The following FBN1 variants were observed in gnomAD, a reference collection of about 807,000 sequenced individuals.
The protein encoded by FBN1 is fibrillin-1.
A neutral mutation model predicts 365.1 loss-of-function variants in FBN1; 29 were observed. The observed-to-expected ratio is 0.08, with a 90% confidence interval of 0.06 to 0.11. The LOEUF (loss-of-function observed/expected upper bound fraction) is 0.11. FBN1 is among the 10% of genes least tolerant of loss of function. The pLI, the probability that FBN1 is intolerant of heterozygous loss-of-function variation, is 1.00. For missense variants in FBN1, 2,476 were observed against 3,703.2 expected (o/e 0.67, Z 8.60); for synonymous variants, 1,210 against 1,270.5 (o/e 0.95, Z 1.01).
intron 4 of FBN1, among the ~76,000 whole-genome samples, chr15:48,610,525 T>A (rs1249640030): frequency 1.3e-5 from 2 of 152,152 alleles, no homozygotes; most frequent in African/African-American, 4.8e-5. Flanking sequence ...GCCCCATAGG[T>A]AATTTTCCTA....
intron 7 of FBN1, among the ~76,000 whole-genome samples, chr15:48,535,526 C>G (rs1227090296): frequency 6.6e-6 from 1 of 152,152 alleles, no homozygotes; most frequent in African/African-American, 2.4e-5. Flanking sequence ...ACAGAAAAGT[C>G]TGATTTAATA....
chr15:48,638,505 C>T (rs1189873253), intron 2 of FBN1, among the ~76,000 whole-genome samples: 2 of 152,062 alleles, frequency 1.3e-5, no homozygotes, highest in Non-Finnish European at 2.9e-5. Context: ...ACTCTGCATC[C>T]CTTGTTTCTT....
At chr15:48,514,309 C>A (rs982882246) in intron 12 of FBN1, among the ~76,000 whole-genome samples, 4 of 152,198 alleles carry the variant, frequency 2.6e-5, no homozygotes, top group African/African-American at 9.6e-5. Context: ...CCACATGCTT[C>A]TTAGTGCCAG....
chr15:48,516,642 T>C (rs560333334), intron 10 of FBN1, among the ~76,000 whole-genome samples: 8 of 152,154 alleles, frequency 5.3e-5, no homozygotes, highest in Non-Finnish European at 8.8e-5. Flanking sequence ...ATGGAAAACA[T>C]AAAAGTACTA....
chr15:48,561,032 A>G (rs944717296), intron 6 of FBN1, among the ~76,000 whole-genome samples: 1 of 152,204 alleles, frequency 6.6e-6, no homozygotes, highest in African/African-American at 2.4e-5. Flanking sequence ...TTTCATCAGT[A>G]TTATTACAGA....
In FBN1 at chr15:48,470,656, G is replaced by A. The variant is rs370161725; in HGVS notation, c.4437C>T (p.Asp1479=). The A allele has an allele frequency of 1.2e-6, 2 of 1,614,056 alleles. No individual in the cohort carries two copies. The highest frequency in any genetic ancestry group is 1.7e-5 in the Admixed American group (1 of 60,016). The change falls in exon 36 of 66, where the codon GAC becomes GAT. Residue 1479 remains aspartate, a synonymous_variant. Coordinates refer to ENST00000316623, the MANE Select transcript of FBN1 (RefSeq NM_000138.5). ...TACCTGTGCAGTTCCCGCCGCTTCT[G>A]TCCAGTTCGTAGCCTATCTCACACT... The part of the protein sequence containing the change: ...RCECEIGYEL[D]RSGGNCTDVN...
intron 29 of FBN1, 53 bp downstream of exon 29, chr15:48,487,022 A>C (rs1566909314): frequency 7.9e-7 from 1 of 1,262,148 alleles, no homozygotes; most frequent in South Asian, 2.0e-5. Context: ...ACATAACATA[A>C]CATAAAATAA....
chr15:48,529,052 G>A (rs980146845), intron 8 of FBN1: 1 of 152,124 alleles, frequency 6.6e-6, no homozygotes, highest in African/African-American at 2.4e-5. Context: ...TTGAATTTGA[G>A]GCATCCCAAG....
At chr15:48,453,290 C>CAAAAAAAAAAAA (rs748356141) in intron 44 of FBN1, among the ~76,000 whole-genome samples, 2 of 32,880 alleles carry the variant, frequency 6.1e-5, no homozygotes, top group Non-Finnish European at 1.5e-4. Flanking sequence ...AAAAATAAAA[C>CAAAAAAAAAAAA]AAACAAAAAA....
chr15:48,531,716 A>G (rs576496531), intron 8 of FBN1, among the ~76,000 whole-genome samples: 6 of 152,140 alleles, frequency 3.9e-5, no homozygotes, highest in Non-Finnish European at 8.8e-5. Context: ...GACGTCGAAA[A>G]AGTGAACCCG....
chr15:48,533,181 C>T (rs948147150), intron 8 of FBN1, among the ~76,000 whole-genome samples: 1 of 152,186 alleles, frequency 6.6e-6, no homozygotes, highest in African/African-American at 2.4e-5. Context: ...ATAACAGCAT[C>T]TGTTTTCAAT....
chr15:48,444,224 C>T (rs1385213460), intron 49 of FBN1, among the ~76,000 whole-genome samples: 1 of 152,170 alleles, frequency 6.6e-6, no homozygotes, highest in East Asian at 1.9e-4. Context: ...TGCAAAGAAT[C>T]GCCACTTAAA....
chr15:48,490,923 A>T (rs1566910591), intron 24 of FBN1, among the ~76,000 whole-genome samples: 1 of 152,366 alleles, frequency 6.6e-6, no homozygotes, highest in East Asian at 1.9e-4. Flanking sequence ...TTGAAATGTA[A>T]GATGTATCTT....
rs547691694 is a variant in FBN1 at position 48,431,411 on chromosome 15, G to A, written c.6740-609C>T. ...CCATCGTGCCTGGCTGTCCCTTTAT[G>A]TTTTATACTCCTTTGTTGAAGCATG... On this transcript the variant is annotated intron_variant, in intron 55 of 65. Coordinates refer to ENST00000316623, the MANE Select transcript of FBN1 (RefSeq NM_000138.5). Among the ~76,000 whole-genome samples, 3 of 151,562 alleles carry A rather than the reference G, an allele frequency of 2.0e-5. No homozygotes were observed. In the South Asian group the frequency reaches 6.3e-4, roughly 32 times the overall value.
chr15:48,644,965 C>A lies in FBN1; in HGVS notation c.-181-15G>T. ...GCCCCTGCCAGCTGCAACACAGAGA[C>A]AAATCCCCGAGGCGGGGAGACTTTC... On this transcript the variant is annotated splice_polypyrimidine_tract_variant and intron_variant, in intron 1 of 65. Coordinates refer to ENST00000316623, the MANE Select transcript of FBN1 (RefSeq NM_000138.5). The A allele has an allele frequency of 2.4e-6, 1 of 408,394 alleles. No homozygotes were observed. Among genetic ancestry groups the A allele is most frequent in the East Asian group, 4.5e-5 (1 of 22,218 alleles). 25.3% of individuals were successfully genotyped at this position (408,394 alleles called of 1,614,324 possible).
chr15:48,525,946 C>T (rs972527575), intron 9 of FBN1, among the ~76,000 whole-genome samples, 184 bp downstream of exon 9: 1 of 152,152 alleles, frequency 6.6e-6, no homozygotes, highest in African/African-American at 2.4e-5. Flanking sequence ...CAAAACGTCT[C>T]CAAAATGACC....
chr15:48,411,279 C>T lies in FBN1; in HGVS notation c.8327G>A (p.Arg2776Gln), dbSNP rs748327743. Reference sequence around the variant, plus strand: ...AAGAGCTGGAAGGAGTTCTAGGATTCGAACCTTGTTACTGACGTGGGAAAT... The same window carrying T: ...AAGAGCTGGAAGGAGTTCTAGGATTTGAACCTTGTTACTGACGTGGGAAAT... ...FNISHVSNKV[R>Q]ILELLPALTT... The change falls in exon 66 of 66, where the codon CGA becomes CAA. Residue 2776 changes from arginine (R) to glutamine (Q), a missense_variant. Around this residue, in one of 5 missense-constraint regions of FBN1, gnomAD observed 177 missense variants for 192.7 expected, o/e 0.92. Transcript: ENST00000316623. The T allele has an allele frequency of 1.2e-5, 19 of 1,613,910 alleles. No homozygotes were observed. Among genetic ancestry groups the T allele is most frequent in the African/African-American group, 9.3e-5 (7 of 74,898 alleles).
At chr15:48,516,461 TA>T in intron 10 of FBN1, 99 bp from the exon 11 acceptor site, 1 of 1,265,798 alleles carries the variant, frequency 7.9e-7, no homozygotes. Flanking sequence ...TATTTTTGAA[TA>T]AAATTGATCC....
rs363802 is a variant in FBN1, at chr15:48,441,832, C to T, written c.6052G>A (p.Val2018Ile). The T allele has an allele frequency of 4.6e-5, 75 of 1,613,488 alleles. 1 individual carries two copies. The Admixed American group carries it at 1.2e-3, about 25-fold the overall frequency. Residue 2018 changes from valine (V) to isoleucine (I), a missense_variant, in exon 50 of 66, where the codon GTC becomes ATC. Val to Ile is a conservative substitution (Grantham distance 29). Around this residue, in one of 5 missense-constraint regions of FBN1, gnomAD observed 1,780 missense variants for 2,840.8 expected, o/e 0.63. Transcript: ENST00000316623. ...NEKCEDIDEC[V>I]EEPEICALGT... ...AGGGCACAAATTTCTGGCTCTTCGA[C>T]ACACTCATCAATATCTAAAAGAATC...
Sources: gnomAD v4.1 joint callset for allele counts (sites outside exome capture counted in the v4.1 genomes callset) on GRCh38, gnomAD v4.1.1 for gene constraint, gnomAD v4.1.1 regional missense constraint, MANE v1.5 for transcripts, NCBI Gene and HGNC (gene_info 2026-07-23, HGNC 2026-07-21) for gene names.